JADE1: variants seen among roughly 807,000 people sequenced by gnomAD.
The protein encoded by JADE1 is jade family PHD finger 1, also known as protein Jade-1.
Under a neutral mutation model 81.8 loss-of-function variants are expected in JADE1, and 14 were observed. The observed-to-expected ratio is 0.17, with a 90% CI of 0.11 to 0.27. The LOEUF (loss-of-function observed/expected upper bound fraction) is 0.27, where lower values mean the gene tolerates loss of function less well. Among genes scored for constraint, JADE1 ranks in the 10% least tolerant of loss-of-function variants. JADE1 has a pLI of 1.00. For synonymous variants in JADE1, 353 were observed against 391.9 expected (o/e 0.90, Z 1.17); for missense variants, 690 against 1,047.9 (o/e 0.66, Z 4.71).
intron 1 of JADE1, among the ~76,000 whole-genome samples, chr4:128,830,306 T>C (rs1728441049): frequency 6.6e-6 from 1 of 151,302 alleles, no homozygotes; most frequent in African/African-American, 2.4e-5. Context: ...TGATCTCGGC[T>C]CACTGCAACC....
At chr4:128,814,101 C>T (rs909901066) in intron 1 of JADE1, among the ~76,000 whole-genome samples, 2 of 151,750 alleles carry the variant, frequency 1.3e-5, no homozygotes, top group African/African-American at 4.8e-5. Flanking sequence ...GGTTTTCTGC[C>T]TGTAAACCAG....
At chr4:128,843,527 T>C (rs866834783) in intron 3 of JADE1, among the ~76,000 whole-genome samples, 10 of 152,180 alleles carry the variant, frequency 6.6e-5, no homozygotes, top group Admixed American at 1.3e-4. Context: ...TCTCAATTTG[T>C]TTCTCATCTT....
intron 1 of JADE1, among the ~76,000 whole-genome samples, chr4:128,812,814 G>T (rs945625625): frequency 2.6e-5 from 4 of 152,350 alleles, no homozygotes; most frequent in South Asian, 2.1e-4. Flanking sequence ...AGGGGCTGTC[G>T]CCCTCTATTT....
chr4:128,812,978 G>C (rs1726615931), intron 1 of JADE1, among the ~76,000 whole-genome samples: 1 of 152,232 alleles, frequency 6.6e-6, no homozygotes, highest in South Asian at 2.1e-4. Context: ...TTTTTTATTA[G>C]GTGAACTATT....
At chr4:128,852,558 G>C (rs1455348927) in intron 6 of JADE1, among the ~76,000 whole-genome samples, 1 of 151,762 alleles carries the variant, frequency 6.6e-6, no homozygotes, top group South Asian at 2.1e-4. Context: ...GAATGTATGA[G>C]CCCCCTCTGT....
intron 1 of JADE1, among the ~76,000 whole-genome samples, chr4:128,826,719 A>G (rs1728110169): frequency 6.6e-6 from 1 of 151,988 alleles, no homozygotes; most frequent in Non-Finnish European, 1.5e-5. Context: ...TGTTTATTTC[A>G]TATTTGACTT....
chr4:128,834,819 G>A (rs1039800340), intron 2 of JADE1, among the ~76,000 whole-genome samples: 5 of 151,934 alleles, frequency 3.3e-5, no homozygotes, highest in African/African-American at 9.7e-5. Flanking sequence ...ACAGGCGTGA[G>A]CCACCACGCC....
intron 1 of JADE1, chr4:128,831,519 G>T: frequency 1.8e-6 from 1 of 545,248 alleles, no homozygotes; most frequent in South Asian, 2.2e-5. Flanking sequence ...ACTGATATGT[G>T]ACTTCTCCAC....
At chr4:128,818,650 A>G (rs1348289562) in intron 1 of JADE1, among the ~76,000 whole-genome samples, 1 of 152,198 alleles carries the variant, frequency 6.6e-6, no homozygotes, top group Non-Finnish European at 1.5e-5. Flanking sequence ...GGTCTGTCGC[A>G]ACTGCTCAAG....
At chr4:128,817,179 C>T (rs549931540) in intron 1 of JADE1, among the ~76,000 whole-genome samples, 4 of 151,914 alleles carry the variant, frequency 2.6e-5, no homozygotes, top group South Asian at 2.1e-4. Context: ...ACTTTGAAAG[C>T]GCTCACAATT....
At chr4:128,810,702 A>C (rs1380499706) in intron 1 of JADE1, among the ~76,000 whole-genome samples, 1 of 113,254 alleles carries the variant, frequency 8.8e-6, no homozygotes, top group Non-Finnish European at 1.6e-5. Flanking sequence ...TGTCCAAAAT[A>C]TTCATTGCAT....
chr4:128,816,408 A>C (rs970430388), intron 1 of JADE1: 5 of 152,168 alleles, frequency 3.3e-5, no homozygotes, highest in Non-Finnish European at 5.9e-5. Flanking sequence ...TCTCCTAATA[A>C]ATGCAAGAAA....
At chr4:128,868,673 A>G (rs1023348632) in intron 10 of JADE1, among the ~76,000 whole-genome samples, 1 of 152,194 alleles carries the variant, frequency 6.6e-6, no homozygotes, top group African/African-American at 2.4e-5. Flanking sequence ...GATTCCGTTG[A>G]TCTTAAAGTT....
In JADE1 at chr4:128,874,148, T is replaced by C. The variant is rs1233092811; in HGVS notation, c.*1886T>C. ...TGAATCCAAGTTGTATATTCACTTG[T>C]AGGATAATTTAAAAATTAGATTTTT... On this transcript the variant is annotated 3_prime_UTR_variant, in exon 11 of 11. Coordinates refer to ENST00000226319, the MANE Select transcript of JADE1 (RefSeq NM_199320.4). The C allele has an allele frequency of 6.6e-6, 1 of 152,614 alleles. No homozygotes were observed. Among genetic ancestry groups the C allele is most frequent in the African/African-American group, 2.4e-5 (1 of 41,444 alleles). The allele number at this position is 152,614 out of a possible 1,614,324, so 9.5% of individuals were successfully genotyped here. A position where few individuals can be genotyped will look rare whatever the true frequency, so the allele number is the denominator to read the frequency against.
intron 5 of JADE1, 137 bp downstream of exon 5, chr4:128,849,304 G>GC (rs750276132): frequency 9.6e-5 from 67 of 701,404 alleles, no homozygotes; most frequent in Admixed American, 3.6e-4. Flanking sequence ...GAGAATCGCA[G>GC]CCCTGCCTTA....
At chr4:128,867,324 G>C (rs150185047) in intron 9 of JADE1, among the ~76,000 whole-genome samples, 1,918 of 152,312 alleles carry the variant, frequency 0.013, 51 homozygotes, top group African/African-American at 0.044. Flanking sequence ...GTAACCATTT[G>C]GTCTTCCAGT....
intron 1 of JADE1, among the ~76,000 whole-genome samples, chr4:128,810,886 A>G (rs1011143239): frequency 6.6e-6 from 1 of 152,158 alleles, no homozygotes; most frequent in African/African-American, 2.4e-5. Flanking sequence ...TTGGTAGAGC[A>G]AAGTACCGAT....
At chr4:128,837,837 G>T (rs908134754) in intron 2 of JADE1, among the ~76,000 whole-genome samples, 3 of 152,162 alleles carry the variant, frequency 2.0e-5, no homozygotes, top group Admixed American at 1.3e-4. Context: ...CAGGATGACC[G>T]CTGTTTGATC....
At chr4:128,834,109 T>C (rs1173017331) in intron 2 of JADE1, among the ~76,000 whole-genome samples, 1 of 152,226 alleles carries the variant, frequency 6.6e-6, no homozygotes, top group East Asian at 1.9e-4. Context: ...CTTTCAGTTG[T>C]CCAGAGGGTC....
Sources: gnomAD v4.1 joint callset for allele counts (sites outside exome capture counted in the v4.1 genomes callset) on GRCh38, gnomAD v4.1.1 for gene constraint, MANE v1.5 for transcripts, NCBI Gene and HGNC (gene_info 2026-07-23, HGNC 2026-07-21) for gene names.